The following SPTB variants were observed in gnomAD, a reference collection of about 807,000 sequenced individuals.
The protein encoded by SPTB is spectrin beta chain, erythrocytic.
Under a neutral mutation model 256.2 loss-of-function variants are expected in SPTB, and 45 were observed. The observed-to-expected ratio is 0.18, with a 90% CI of 0.14 to 0.23. SPTB has a LOEUF of 0.23. Among genes scored for constraint, SPTB ranks in the 10% least tolerant of loss-of-function variants. The probability of loss-of-function intolerance (pLI) is 1.00; values close to 1 mark genes in which losing one functional copy is unlikely to be tolerated. For missense variants in SPTB, 2,715 were observed against 3,040.4 expected (o/e 0.89, Z 2.52); for synonymous variants, 1,231 against 1,243.1 (o/e 0.99, Z 0.21).
At chr14:64,843,668 A>G (rs230697) in intron 1 of SPTB, among the ~76,000 whole-genome samples, 9,786 of 152,274 alleles carry the variant, frequency 0.064, 1,125 homozygotes, top group African/African-American at 0.22. Flanking sequence ...TCTTTGAATA[A>G]AGGCCATCGC....
intron 1 of SPTB, among the ~76,000 whole-genome samples, chr14:64,832,474 G>A (rs1042192140): frequency 2.6e-5 from 4 of 151,894 alleles, no homozygotes; most frequent in African/African-American, 9.7e-5. Flanking sequence ...GTTATCTCCT[G>A]GGCCCCTCCA....
chr14:64,769,247 T>G (rs1450196288), intron 28 of SPTB, 129 bp from the exon 29 acceptor site: 4 of 944,130 alleles, frequency 4.2e-6, no homozygotes. Flanking sequence ...TTGGCCCAGC[T>G]GCTTGCCAGC....
chr14:64,859,538 A>C lies in SPTB; in HGVS notation c.-52+20254T>G, dbSNP rs2083924499. On this transcript the variant is annotated intron_variant, in intron 1 of 35. Coordinates refer to ENST00000644917, the MANE Select transcript of SPTB (RefSeq NM_001355436.2). ...GGCAGGCAGATTGCTTGAGCTGAGG[A>C]GTTTGAGACCAGTCTGGACAACATA... 2.6e-5 allele frequency among the ~76,000 whole-genome samples: 4 copies of C among 152,274 alleles called. No homozygotes were observed. The South Asian group carries it at 8.3e-4, about 32-fold the overall frequency.
chr14:64,868,316 T>TG (rs998636119), intron 1 of SPTB, among the ~76,000 whole-genome samples: 3 of 135,240 alleles, frequency 2.2e-5, no homozygotes, highest in African/African-American at 7.7e-5. Flanking sequence ...TGTGGAAGTA[T>TG]GGGGGGGAAA....
At chr14:64,818,844 T>A (rs1396216676) in intron 2 of SPTB, among the ~76,000 whole-genome samples, 2 of 152,180 alleles carry the variant, frequency 1.3e-5, no homozygotes, top group East Asian at 3.9e-4. Context: ...GATAGGAACT[T>A]GGGCTTTTCA....
chr14:64,848,545 TA>T (rs759399143), intron 1 of SPTB, among the ~76,000 whole-genome samples: 6 of 152,234 alleles, frequency 3.9e-5, no homozygotes, highest in Non-Finnish European at 7.3e-5. Context: ...AAACCTCTGA[TA>T]TTCAATTTTC....
chr14:64,769,659 G>T lies in SPTB; in HGVS notation c.5868C>A (p.Ser1956Arg). ...QGINAEIETR[S>R]KNFSACLELG... ...GCTCCAGGCAGGCACTGAAGTTCTT[G>T]CTCCGGGTTTCAATCTCTGCATTGA... The change falls in exon 28 of 36, where the codon AGC becomes AGA. Residue 1956 changes from serine to arginine, a missense_variant. Transcript: ENST00000644917. 1.6e-5 allele frequency: 26 copies of T among 1,614,176 alleles called. No homozygotes were observed. Among genetic ancestry groups the T allele is most frequent in the Non-Finnish European group, 2.2e-5 (26 of 1,180,038 alleles).
chr14:64,779,362 A>G lies in SPTB; in HGVS notation c.4474-116T>C. ...CAGTGTCTCCCCAGTTCCTCCCAAC[A>G]CCCCATCAGGGTTTTGCCCCCATTT... On this transcript the variant is annotated intron_variant, in intron 21 of 35. Transcript: ENST00000644917. The surrounding 1 kb of genome is among the most constrained non-coding windows in gnomAD (Gnocchi z 4.2). The G allele has an allele frequency of 1.2e-6, 1 of 861,634 alleles. No individual in the cohort carries two copies. The allele number at this position is 861,634 out of a possible 1,614,324, so 53.4% of individuals were successfully genotyped here. A position where few individuals can be genotyped will look rare whatever the true frequency, so the allele number is the denominator to read the frequency against.
chr14:64,822,881 G>A, intron 2 of SPTB, 66 bp downstream of exon 2: 1 of 1,600,960 alleles, frequency 6.2e-7, no homozygotes, highest in Non-Finnish European at 8.5e-7. Flanking sequence ...TTCACACTAG[G>A]TGGGGAGGGC....
At chr14:64,797,658 AC>A in intron 10 of SPTB, 70 bp downstream of exon 10, 1 of 1,193,974 alleles carries the variant, frequency 8.4e-7, no homozygotes, top group Non-Finnish European at 1.3e-6. Flanking sequence ...TGGTCCAATG[AC>A]CATTCACTGT....
chr14:64,800,507 A>T (rs371999769), intron 8 of SPTB, among the ~76,000 whole-genome samples: 26 of 152,348 alleles, frequency 1.7e-4, no homozygotes, highest in African/African-American at 5.3e-4. Flanking sequence ...TCCATGAGAC[A>T]TGGGTCTCAG....
rs1209599887 is a variant in SPTB at position 64,827,239 on chromosome 14, C to T, written c.-51-4094G>A. ...TCTAGTCCCCCAACAAAGTAAACAGCATCCTCTCCTCTTCCCTGGGTCATA... is the reference window on the plus strand; with the variant it reads ...TCTAGTCCCCCAACAAAGTAAACAGTATCCTCTCCTCTTCCCTGGGTCATA... On this transcript the variant is annotated intron_variant, in intron 1 of 35. Coordinates refer to ENST00000644917, the MANE Select transcript of SPTB (RefSeq NM_001355436.2). The surrounding 1 kb of genome is among the most constrained non-coding windows in gnomAD (Gnocchi z 4.6). Among the ~76,000 whole-genome samples the T allele has an allele frequency of 6.6e-6, 1 of 152,222 alleles. No homozygotes were observed. The highest frequency in any genetic ancestry group is 1.5e-5 in the Non-Finnish European group (1 of 68,036).
chr14:64,813,671 C>T (rs573387175), intron 2 of SPTB, among the ~76,000 whole-genome samples: 6 of 152,302 alleles, frequency 3.9e-5, no homozygotes, highest in East Asian at 1.9e-4. Context: ...TACAGGCAAG[C>T]GCCACCACGC....
At chr14:64,833,619 GTTTCT>G (rs1339332787) in intron 1 of SPTB, among the ~76,000 whole-genome samples, 1 of 151,890 alleles carries the variant, frequency 6.6e-6, no homozygotes, top group African/African-American at 2.4e-5. Flanking sequence ...GAGGTGGGGT[GTTTCT>G]TTTGTGTTCC....
intron 33 of SPTB, among the ~76,000 whole-genome samples, chr14:64,751,206 G>A (rs753731475): frequency 9.2e-5 from 14 of 151,352 alleles, no homozygotes; most frequent in South Asian, 2.1e-4. Flanking sequence ...TGCAACCTCC[G>A]CCTCCCAGGT....
Position 64,802,155 on chromosome 14 carries a change from G to A in SPTB, c.566+71C>T. 2.1e-6 allele frequency: 3 copies of A among 1,402,542 alleles called. No individual in the cohort carries two copies. Among genetic ancestry groups the A allele is most frequent in the Non-Finnish European group, 3.0e-6 (3 of 989,896 alleles). 86.9% of individuals were successfully genotyped at this position (1,402,542 alleles called of 1,614,324 possible). A position where few individuals can be genotyped will look rare whatever the true frequency, so the allele number is the denominator to read the frequency against. The stretch of plus-strand genomic sequence containing the variant: ...GGGTGATGATGTCTAATGTCCCTCT[G>A]GAGATGGCAGTGCTTGTGCGGAGCA... On this transcript the variant is annotated intron_variant, in intron 5 of 35. Coordinates refer to ENST00000644917, the MANE Select transcript of SPTB (RefSeq NM_001355436.2). This position sits in a 1 kb window ranked among gnomAD's most constrained non-coding sequence, Gnocchi z 5.1.
In SPTB at chr14:64,774,537, A is replaced by G. The variant is rs1235203420; in HGVS notation, c.4843-10T>C. 6.4e-7 allele frequency: 1 copy of G among 1,552,680 alleles called. No homozygotes were observed. Among genetic ancestry groups the G allele is most frequent in the South Asian group, 1.2e-5 (1 of 84,134 alleles). On this transcript the variant is annotated splice_polypyrimidine_tract_variant and intron_variant, in intron 23 of 35. Coordinates refer to ENST00000644917, the MANE Select transcript of SPTB (RefSeq NM_001355436.2). ...TGGCGCCCTCTTCATCCTAGGAGGCAGCAGACGGTCAGCGCCAGAGCTCAG... is the reference window on the plus strand; with the variant it reads ...TGGCGCCCTCTTCATCCTAGGAGGCGGCAGACGGTCAGCGCCAGAGCTCAG...
At chr14:64,750,975 T>C (rs1194825826) in intron 33 of SPTB, among the ~76,000 whole-genome samples, 6 of 145,528 alleles carry the variant, frequency 4.1e-5, no homozygotes, top group Non-Finnish European at 9.0e-5. Context: ...TCATATAATG[T>C]ATATTTTATA....
intron 32 of SPTB, among the ~76,000 whole-genome samples, chr14:64,762,644 A>AT (rs777900923): frequency 2.0e-5 from 3 of 151,948 alleles, no homozygotes; most frequent in Non-Finnish European, 4.4e-5. Context: ...CCCTAGCGAG[A>AT]TACTCAGTCC....
Sources: gnomAD v4.1 joint callset for allele counts (sites outside exome capture counted in the v4.1 genomes callset) on GRCh38, gnomAD v4.1.1 for gene constraint, Gnocchi (gnomAD v3.1) non-coding constraint, MANE v1.5 for transcripts, NCBI Gene and HGNC (gene_info 2026-07-23, HGNC 2026-07-21) for gene names.